C1orf185: variants seen among roughly 807,000 people sequenced by gnomAD.
The protein encoded by C1orf185 is uncharacterized protein C1orf185.
C1orf185 carries 13 observed loss-of-function variants against 16.1 expected under a neutral mutation model. That is an observed-to-expected ratio of 0.81 (90% CI 0.53 to 1.28). The LOEUF (loss-of-function observed/expected upper bound fraction) is 1.28, where lower values mean the gene tolerates loss of function less well. C1orf185 is among the 50% of genes most tolerant of loss of function. The pLI is 0.00. For missense variants in C1orf185, 220 were observed against 225.2 expected (o/e 0.98, Z 0.15); for synonymous variants, 80 against 76.9 (o/e 1.04, Z -0.21).
intron 3 of C1orf185, among the ~76,000 whole-genome samples, chr1:51,123,628 C>A (rs1443144717): frequency 6.6e-6 from 1 of 152,124 alleles, no homozygotes; most frequent in African/African-American, 2.4e-5. Flanking sequence ...CATTTCCACC[C>A]GCAATGCATG....
downstream of C1orf185, among the ~76,000 whole-genome samples, chr1:51,149,196 C>T (rs576828635): frequency 5.3e-4 from 80 of 152,102 alleles, no homozygotes; most frequent in African/African-American, 1.7e-3. Flanking sequence ...TGGGAAAAAA[C>T]GACTCATTAA....
downstream of C1orf185, among the ~76,000 whole-genome samples, chr1:51,148,581 GCT>G: frequency 6.6e-6 from 1 of 152,118 alleles, no homozygotes; most frequent in East Asian, 1.9e-4. Flanking sequence ...ACCATGTTAT[GCT>G]TTTAGTAAGC....
intron 1 of C1orf185, among the ~76,000 whole-genome samples, chr1:51,111,812 G>A (rs1416673513): frequency 6.6e-6 from 1 of 152,108 alleles, no homozygotes; most frequent in Non-Finnish European, 1.5e-5. Flanking sequence ...GAGCCACGGC[G>A]CCCTGCCCCT....
intron 3 of C1orf185, among the ~76,000 whole-genome samples, chr1:51,133,231 GGCTAAAT>G (rs1557650611): frequency 6.6e-6 from 1 of 152,082 alleles, no homozygotes; most frequent in Non-Finnish European, 1.5e-5. Context: ...AATGCAACTG[GGCTAAAT>G]GCCTTAATTA....
chr1:51,125,352 A>G (rs1175880397), intron 3 of C1orf185, among the ~76,000 whole-genome samples: 1 of 152,202 alleles, frequency 6.6e-6, no homozygotes, highest in African/African-American at 2.4e-5. Flanking sequence ...CTTATAAGAA[A>G]CAGGCTTAAT....
At chr1:51,140,120 A>G (rs1249369405) in intron 3 of C1orf185, among the ~76,000 whole-genome samples, 1 of 152,242 alleles carries the variant, frequency 6.6e-6, no homozygotes, top group Non-Finnish European at 1.5e-5. Context: ...GCTCTACTAC[A>G]TACAGGTACC....
intron 4 of C1orf185, among the ~76,000 whole-genome samples, chr1:51,146,326 G>A (rs1050891016): frequency 7.2e-5 from 11 of 151,834 alleles, no homozygotes; most frequent in Middle Eastern, 3.2e-3. Context: ...GGATGTGGTG[G>A]CGCAGGCCTG....
chr1:51,116,107 A>G (rs1274501990), intron 2 of C1orf185, among the ~76,000 whole-genome samples: 2 of 151,920 alleles, frequency 1.3e-5, no homozygotes, highest in Non-Finnish European at 2.9e-5. Flanking sequence ...ACTAAATTCT[A>G]TTTACCTTAC....
intron 3 of C1orf185, among the ~76,000 whole-genome samples, chr1:51,141,811 A>C (rs1179982296): frequency 6.6e-6 from 1 of 152,162 alleles, no homozygotes; most frequent in Non-Finnish European, 1.5e-5. Context: ...TTTAATATTG[A>C]TTCAAATACT....
intron 2 of C1orf185, among the ~76,000 whole-genome samples, chr1:51,116,884 C>A (rs1646161854): frequency 6.6e-6 from 1 of 152,168 alleles, no homozygotes; most frequent in Admixed American, 6.5e-5. Context: ...ACTGCTGTTT[C>A]TTCAGATGCC....
intron 2 of C1orf185, among the ~76,000 whole-genome samples, chr1:51,118,341 T>A (rs1646172616): frequency 6.6e-6 from 1 of 152,216 alleles, no homozygotes; most frequent in Non-Finnish European, 1.5e-5. Flanking sequence ...TAAAACCAAC[T>A]AATTTTCTCA....
At chr1:51,104,703 T>C (rs1646056367) in intron 1 of C1orf185, among the ~76,000 whole-genome samples, 1 of 152,180 alleles carries the variant, frequency 6.6e-6, no homozygotes, top group Non-Finnish European at 1.5e-5. Flanking sequence ...TTTTATTTAT[T>C]TTCATATGGA....
intron 3 of C1orf185, among the ~76,000 whole-genome samples, chr1:51,133,030 C>G (rs956768491): frequency 1.3e-4 from 20 of 152,134 alleles, no homozygotes; most frequent in African/African-American, 4.8e-4. Context: ...TCATTACCAC[C>G]AGATCTGCCT....
chr1:51,143,118 TTTG>T (rs1278122588), intron 3 of C1orf185, among the ~76,000 whole-genome samples: 1 of 152,164 alleles, frequency 6.6e-6, no homozygotes, highest in African/African-American at 2.4e-5. Flanking sequence ...AATCAAGATG[TTTG>T]TTTTTTGTTT....
intron 1 of C1orf185, among the ~76,000 whole-genome samples, chr1:51,104,789 T>G (rs1032393428): frequency 1.3e-5 from 2 of 152,170 alleles, no homozygotes; most frequent in African/African-American, 4.8e-5. Context: ...AGATTTGGCT[T>G]AAGTGTCATT....
At chr1:51,127,495 A>C (rs1646250147) in intron 3 of C1orf185, among the ~76,000 whole-genome samples, 1 of 152,164 alleles carries the variant, frequency 6.6e-6, no homozygotes, top group Non-Finnish European at 1.5e-5. Flanking sequence ...CATGTTGGCC[A>C]GGCTAGTCTC....
intron 1 of C1orf185, among the ~76,000 whole-genome samples, chr1:51,103,952 G>A (rs12068050): frequency 0.11 from 16,579 of 152,204 alleles, 1,590 homozygotes; most frequent in African/African-American, 0.26. Context: ...ATAATAAGTA[G>A]CTTTTCAAAG....
At chr1:51,109,893 A>T (rs972161918) in intron 1 of C1orf185, among the ~76,000 whole-genome samples, 13 of 152,086 alleles carry the variant, frequency 8.5e-5, no homozygotes, top group African/African-American at 3.1e-4. Flanking sequence ...GGTTTCATAC[A>T]CATTTTAGAA....
At chr1:51,138,812 C>A (rs1646344685) in intron 3 of C1orf185, among the ~76,000 whole-genome samples, 1 of 152,122 alleles carries the variant, frequency 6.6e-6, no homozygotes, top group African/African-American at 2.4e-5. Context: ...CCCAGCCTCC[C>A]AACCAGCTGG....
Sources: allele counts gnomAD v4.1 joint callset (sites outside exome capture counted in the v4.1 genomes callset), GRCh38; gene constraint gnomAD v4.1.1; transcripts MANE v1.5; gene names NCBI Gene and HGNC (gene_info 2026-07-23, HGNC 2026-07-21).